KYNU: variants seen among roughly 807,000 people sequenced by gnomAD.
KYNU encodes kynureninase.
Under a neutral mutation model 59.2 loss-of-function variants are expected in KYNU, and 54 were observed. That is an observed-to-expected ratio of 0.91 (90% CI 0.73 to 1.14). KYNU has a LOEUF of 1.14. KYNU is among the 50% of genes most tolerant of loss of function. KYNU has a pLI of 0.00. For synonymous variants in KYNU, 177 were observed against 192.0 expected, an observed-to-expected ratio of 0.92 and a Z score of 0.65; for missense variants, 567 against 554.4, an observed-to-expected ratio of 1.02 and a Z score of -0.23.
At chr2:142,878,708 A>C (rs572031485) in intron 1 of KYNU, among the ~76,000 whole-genome samples, 1 of 152,316 alleles carries the variant, frequency 6.6e-6, no homozygotes, top group South Asian at 2.1e-4. Flanking sequence ...ATTATTATAC[A>C]AGCTTTTTAC....
intron 12 of KYNU, among the ~76,000 whole-genome samples, chr2:143,034,921 T>A (rs1686852128): frequency 6.6e-6 from 1 of 152,192 alleles, no homozygotes; most frequent in Non-Finnish European, 1.5e-5. Flanking sequence ...CAGACGTACC[T>A]GGAAATTTCC....
chr2:143,027,063 G>A (rs1328745925), intron 10 of KYNU, among the ~76,000 whole-genome samples: 1 of 152,120 alleles, frequency 6.6e-6, no homozygotes, highest in Non-Finnish European at 1.5e-5. Flanking sequence ...TTTGGGCTGT[G>A]GTTTCAGGCT....
intron 8 of KYNU, among the ~76,000 whole-genome samples, chr2:142,973,810 G>GA (rs371650651): frequency 1.3e-5 from 2 of 151,958 alleles, no homozygotes; most frequent in African/African-American, 2.4e-5. Context: ...GAGAATAAAA[G>GA]AAAAAAATCC....
chr2:142,949,873 C>T (rs1175729991), intron 4 of KYNU, among the ~76,000 whole-genome samples: 6 of 152,140 alleles, frequency 3.9e-5, no homozygotes, highest in Admixed American at 2.6e-4. Context: ...GCAAATTTTC[C>T]ACACTCTTAT....
intron 8 of KYNU, among the ~76,000 whole-genome samples, chr2:142,968,436 C>A (rs2105117751): frequency 6.6e-6 from 1 of 152,180 alleles, no homozygotes; most frequent in Middle Eastern, 3.4e-3. Flanking sequence ...AAAGAAGGTC[C>A]CACTAAGCCA....
At chr2:142,960,899 A>G in intron 8 of KYNU, 129 bp downstream of exon 8, 1 of 1,144,614 alleles carries the variant, frequency 8.7e-7, no homozygotes, top group Non-Finnish European at 1.3e-6. Flanking sequence ...TTAAAAAAAA[A>G]AAGAGTAAAC....
chr2:143,035,947 A>AT (rs1374901711), intron 12 of KYNU, among the ~76,000 whole-genome samples: 1 of 151,718 alleles, frequency 6.6e-6, no homozygotes, highest in Non-Finnish European at 1.5e-5. Context: ...TAATTTTTGT[A>AT]TTTTTTTATA....
chr2:142,907,488 G>A (rs1383142081), intron 2 of KYNU, among the ~76,000 whole-genome samples: 4 of 152,178 alleles, frequency 2.6e-5, no homozygotes, highest in African/African-American at 9.7e-5. Flanking sequence ...AGTCAATGGC[G>A]GGTCTGCAAT....
At chr2:143,018,552 G>T (rs1359112508) in intron 10 of KYNU, among the ~76,000 whole-genome samples, 3 of 152,154 alleles carry the variant, frequency 2.0e-5, no homozygotes, top group Non-Finnish European at 4.4e-5. Flanking sequence ...TTAGAGTATA[G>T]TTTGAAGTCA....
At chr2:142,992,159 A>C (rs1350057432) in intron 10 of KYNU, among the ~76,000 whole-genome samples, 7 of 151,888 alleles carry the variant, frequency 4.6e-5, no homozygotes. Context: ...AAAACTCCTG[A>C]ATCACAAAAT....
At chr2:142,992,122 A>G (rs1018245477) in intron 10 of KYNU, among the ~76,000 whole-genome samples, 1 of 151,934 alleles carries the variant, frequency 6.6e-6, no homozygotes, top group Admixed American at 6.6e-5. Context: ...AGGGAGATTC[A>G]GGATGTCATG....
intron 2 of KYNU, among the ~76,000 whole-genome samples, chr2:142,895,958 A>C (rs1681861440): frequency 6.6e-6 from 1 of 152,228 alleles, no homozygotes; most frequent in Non-Finnish European, 1.5e-5. Context: ...CTAGGATTAC[A>C]GATGTGAGCT....
intron 2 of KYNU, among the ~76,000 whole-genome samples, chr2:142,915,500 T>G (rs1050681581): frequency 6.6e-6 from 1 of 152,236 alleles, no homozygotes; most frequent in Non-Finnish European, 1.5e-5. Flanking sequence ...TCTGAAGTGA[T>G]GTTGATATTT....
At chr2:142,927,116 A>G (rs1254302150) in intron 3 of KYNU, among the ~76,000 whole-genome samples, 1 of 152,202 alleles carries the variant, frequency 6.6e-6, no homozygotes, top group Non-Finnish European at 1.5e-5. Flanking sequence ...TGACAGATGA[A>G]ATTGCTAGCA....
In KYNU at chr2:143,023,616, CTG is replaced by C. The variant is rs1474861185; in HGVS notation, c.903-6009_903-6008del. ...TTGTGTTATGAACAGCAATTCATAACTGTTTTATCTTTACTGTGAATTTTTCA... is the reference window on the plus strand; with the variant it reads ...TTGTGTTATGAACAGCAATTCATAACTTTTATCTTTACTGTGAATTTTTCA... On this transcript the variant is annotated intron_variant, in intron 10 of 13. Transcript: ENST00000264170. 5.9e-5 allele frequency among the ~76,000 whole-genome samples: 9 copies of C among 151,932 alleles called. No homozygotes were observed. The East Asian group carries it at 1.7e-3, about 29-fold the overall frequency.
At chr2:142,881,675 C>T (rs2105018656) in intron 1 of KYNU, among the ~76,000 whole-genome samples, 1 of 152,286 alleles carries the variant, frequency 6.6e-6, no homozygotes, top group South Asian at 2.1e-4. Flanking sequence ...AAGTTATACA[C>T]TCAAATATCC....
intron 6 of KYNU, among the ~76,000 whole-genome samples, chr2:142,956,976 CTA>C (rs943163285): frequency 2.0e-5 from 3 of 151,894 alleles, no homozygotes; most frequent in Non-Finnish European, 4.4e-5. Flanking sequence ...GACCTCGTCT[CTA>C]TAAAGTAAAT....
intron 8 of KYNU, among the ~76,000 whole-genome samples, chr2:142,977,372 G>GATATATATATATATATATATATAT (rs70997538): frequency 0.021 from 2,793 of 130,766 alleles, 115 homozygotes; most frequent in African/African-American, 0.044. Flanking sequence ...ATTTTGTGTG[G>GATATATATATATATATATATATAT]ATATATATAT....
intron 10 of KYNU, among the ~76,000 whole-genome samples, chr2:143,008,651 C>G (rs1246732565): frequency 3.1e-4 from 12 of 38,112 alleles, no homozygotes; most frequent in African/African-American, 1.3e-3. Flanking sequence ...TGACCACATA[C>G]TTGGAAGTAA....
Sources: allele counts gnomAD v4.1 joint callset (sites outside exome capture counted in the v4.1 genomes callset), GRCh38; gene constraint gnomAD v4.1.1; transcripts MANE v1.5; gene names NCBI Gene and HGNC (gene_info 2026-07-23, HGNC 2026-07-21).